Variants in PCDH7 observed in about 807,000 individuals in gnomAD.
PCDH7 encodes protocadherin-7.
PCDH7 carries 17 observed loss-of-function variants against 58.9 expected under a neutral mutation model. The ratio of observed to expected loss-of-function variants is 0.29; its 90% CI spans 0.20 to 0.43. PCDH7 has a LOEUF of 0.43. Among genes scored for constraint, PCDH7 ranks in the 20% least tolerant of loss-of-function variants. The pLI, the probability that PCDH7 is intolerant of heterozygous loss-of-function variation, is 1.00. For missense variants in PCDH7, 1,274 were observed against 1,441.0 expected, an observed-to-expected ratio of 0.88 and a Z score of 1.88; for synonymous variants, 664 against 616.4, an observed-to-expected ratio of 1.08 and a Z score of -1.14.
intron 1 of PCDH7, among the ~76,000 whole-genome samples, chr4:30,907,900 C>A (rs908286680): frequency 6.6e-6 from 1 of 152,128 alleles, no homozygotes; most frequent in Non-Finnish European, 1.5e-5. Flanking sequence ...CACATATACA[C>A]CATGGAATAC....
chr4:30,877,151 G>A (rs573559650), intron 1 of PCDH7, among the ~76,000 whole-genome samples: 12 of 152,134 alleles, frequency 7.9e-5, no homozygotes, highest in African/African-American at 2.9e-4. Flanking sequence ...AGGATGTAAG[G>A]ACAAAGTTAA....
intron 3 of PCDH7, among the ~76,000 whole-genome samples, chr4:30,997,301 G>T (rs533450556): frequency 2.2e-4 from 34 of 152,212 alleles, no homozygotes; most frequent in African/African-American, 8.2e-4. Flanking sequence ...AATAACATGT[G>T]ATATGGCAGG....
chr4:31,004,413 A>T (rs183698860), intron 3 of PCDH7, among the ~76,000 whole-genome samples: 1 of 152,246 alleles, frequency 6.6e-6, no homozygotes, highest in East Asian at 1.9e-4. Context: ...AGACTGATCA[A>T]TAAGAATAAC....
At chr4:30,806,317 T>C (rs1411080113) in intron 1 of PCDH7, among the ~76,000 whole-genome samples, 1 of 152,022 alleles carries the variant, frequency 6.6e-6, no homozygotes, top group Non-Finnish European at 1.5e-5. Flanking sequence ...AGATTTCCTT[T>C]TTTTTTTCAG....
intron 3 of PCDH7, among the ~76,000 whole-genome samples, chr4:30,972,554 T>C (rs1191666013): frequency 1.3e-5 from 2 of 152,178 alleles, no homozygotes; most frequent in Non-Finnish European, 2.9e-5. Context: ...CCAGTGAGCA[T>C]AAGCCTCTTA....
intron 2 of PCDH7, among the ~76,000 whole-genome samples, chr4:30,936,386 T>C (rs1745340817): frequency 6.6e-6 from 1 of 152,078 alleles, no homozygotes; most frequent in Non-Finnish European, 1.5e-5. Flanking sequence ...ATATTTGAGT[T>C]ATTGCATTCA....
intron 3 of PCDH7, among the ~76,000 whole-genome samples, chr4:31,048,004 A>T (rs533627712): frequency 1.3e-5 from 2 of 152,010 alleles, no homozygotes; most frequent in Non-Finnish European, 2.9e-5. Context: ...TTATGGTTGC[A>T]TAGTAGTTAT....
Position 30,899,727 on chromosome 4 carries a change from T to C in PCDH7, c.71-20426T>C, listed in dbSNP as rs181280972. On this transcript the variant is annotated intron_variant, in intron 1 of 3. Transcript: ENST00000509759. Reference sequence around the variant, plus strand: ...TGACTATGACACTAATATTTTTTTTTTCATCTTTTATCAATTCTTCACCAC... The same window carrying C: ...TGACTATGACACTAATATTTTTTTTCTCATCTTTTATCAATTCTTCACCAC... Among the ~76,000 whole-genome samples the C allele has an allele frequency of 6.5e-4, 99 of 152,298 alleles. 1 individual carries two copies. The East Asian group carries it at 0.016, about 25-fold the overall frequency.
At chr4:30,863,898 A>C (rs902782992) in intron 1 of PCDH7, among the ~76,000 whole-genome samples, 1 of 152,152 alleles carries the variant, frequency 6.6e-6, no homozygotes, top group African/African-American at 2.4e-5. Context: ...ATCTGCTGTC[A>C]GTGAGGCTGA....
chr4:31,018,518 T>G (rs1047339904), intron 3 of PCDH7, among the ~76,000 whole-genome samples: 2 of 152,190 alleles, frequency 1.3e-5, no homozygotes, highest in African/African-American at 2.4e-5. Flanking sequence ...TTTCCTTGGT[T>G]TGATCATTTT....
chr4:31,005,981 C>T (rs904311875), intron 3 of PCDH7, among the ~76,000 whole-genome samples: 10 of 152,152 alleles, frequency 6.6e-5, no homozygotes, highest in Non-Finnish European at 8.8e-5. Flanking sequence ...TCGAGCCTGA[C>T]TACTTCATCT....
intron 1 of PCDH7, among the ~76,000 whole-genome samples, chr4:30,896,733 G>T (rs943780384): frequency 6.6e-6 from 1 of 151,374 alleles, no homozygotes; most frequent in Non-Finnish European, 1.5e-5. Flanking sequence ...ACTAATAATT[G>T]TGTCATTATA....
At chr4:30,854,952 G>A (rs1291821683) in intron 1 of PCDH7, among the ~76,000 whole-genome samples, 3 of 152,136 alleles carry the variant, frequency 2.0e-5, no homozygotes, top group South Asian at 2.1e-4. Context: ...CTGATCAGGA[G>A]CTGTATAGTT....
chr4:30,773,600 T>G (rs993470736), intron 1 of PCDH7, among the ~76,000 whole-genome samples: 1 of 152,124 alleles, frequency 6.6e-6, no homozygotes, highest in African/African-American at 2.4e-5. Flanking sequence ...TACAAGACTC[T>G]AGAAGTCATC....
At chr4:31,124,027 G>C (rs1717995910) in intron 3 of PCDH7, among the ~76,000 whole-genome samples, 1 of 152,074 alleles carries the variant, frequency 6.6e-6, no homozygotes, top group African/African-American at 2.4e-5. Context: ...TCTGCCAGTG[G>C]AGCTTGGGGT....
rs150055637 is a variant in PCDH7, at chr4:30,808,864, C to T, written c.70+84268C>T. Among the ~76,000 whole-genome samples, 580 of 152,068 alleles carry T rather than the reference C, an allele frequency of 3.8e-3. 1 individual carries two copies. The highest frequency in any genetic ancestry group is 0.013 in the African/African-American group (527 of 41,464). ...ATGATACCAAAAATTATCATGGTGC[C>T]AAATCCTGAAAAACCTCTCAACTTA... On this transcript the variant is annotated intron_variant, in intron 1 of 3. Transcript: ENST00000509759.
rs77804194 is a variant in PCDH7, at chr4:30,765,370, G to A, written c.70+40774G>A. Among the ~76,000 whole-genome samples, 39 of 152,132 alleles carry A rather than the reference G, an allele frequency of 2.6e-4. No individual in the cohort carries two copies. In the East Asian group the frequency reaches 5.1e-3, roughly 20 times the overall value. On this transcript the variant is annotated intron_variant, in intron 1 of 3. Transcript: ENST00000509759. ...TCATGGCCTTGCCGCCTGGAATAGA[G>A]GCTGTTAATTGTCCTCACAAGGATT... is the stretch of plus-strand genomic sequence containing the variant.
chr4:30,860,334 A>T (rs897738750), intron 1 of PCDH7, among the ~76,000 whole-genome samples: 8 of 152,090 alleles, frequency 5.3e-5, no homozygotes, highest in African/African-American at 1.9e-4. Context: ...AAAAGACACC[A>T]CTGAATTAGA....
intron 3 of PCDH7, among the ~76,000 whole-genome samples, chr4:31,129,810 T>G (rs1244441189): frequency 6.6e-6 from 1 of 151,998 alleles, no homozygotes; most frequent in Non-Finnish European, 1.5e-5. Flanking sequence ...TGTATTTTAG[T>G]AGAGACAGGG....
Sources: allele counts gnomAD v4.1 joint callset (sites outside exome capture counted in the v4.1 genomes callset), GRCh38; gene constraint gnomAD v4.1.1; transcripts MANE v1.5; gene names NCBI Gene and HGNC (gene_info 2026-07-23, HGNC 2026-07-21).